LRBA: variants seen among roughly 807,000 people sequenced by gnomAD.
LRBA encodes the protein lipopolysaccharide-responsive and beige-like anchor protein.
A neutral mutation model predicts 330.0 loss-of-function variants in LRBA; 176 were observed. The observed-to-expected ratio is 0.53, with a 90% confidence interval of 0.47 to 0.60. LRBA has a LOEUF of 0.60. LRBA is among the 20% of genes least tolerant of loss of function. The probability of loss-of-function intolerance (pLI) is 0.00; values close to 1 mark genes in which losing one functional copy is unlikely to be tolerated. For synonymous variants in LRBA, 1,230 were observed against 1,193.0 expected (o/e 1.03, Z -0.64); for missense variants, 3,259 against 3,444.8 (o/e 0.95, Z 1.35).
chr4:150,979,771 C>G (rs1740628703), intron 2 of LRBA, among the ~76,000 whole-genome samples: 1 of 152,086 alleles, frequency 6.6e-6, no homozygotes, highest in African/African-American at 2.4e-5. Flanking sequence ...CAATATTGAA[C>G]CAGGAAGAAA....
chr4:150,816,358 C>T (rs1343260817), intron 31 of LRBA, among the ~76,000 whole-genome samples: 1 of 151,956 alleles, frequency 6.6e-6, no homozygotes, highest in Non-Finnish European at 1.5e-5. Context: ...AAGAAAACCA[C>T]TGATACAGTA....
At chr4:150,682,681 A>AT (rs1226857449) in intron 37 of LRBA, among the ~76,000 whole-genome samples, 1 of 152,120 alleles carries the variant, frequency 6.6e-6, no homozygotes, top group East Asian at 1.9e-4. Flanking sequence ...TGATAGACAC[A>AT]TAAGTTGATT....
chr4:150,350,195 T>C (rs756684473), intron 47 of LRBA, 36 bp from the exon 48 acceptor site: 1 of 1,426,540 alleles, frequency 7.0e-7, no homozygotes, highest in South Asian at 1.4e-5. Context: ...CTATGCTGAA[T>C]TCCTTTTTAA....
At chr4:150,379,232 G>A (rs1741816427) in intron 47 of LRBA, among the ~76,000 whole-genome samples, 1 of 146,374 alleles carries the variant, frequency 6.8e-6, no homozygotes, top group Non-Finnish European at 1.5e-5. Flanking sequence ...GAACCCGGGA[G>A]GCAGAGGTTG....
intron 17 of LRBA, among the ~76,000 whole-genome samples, chr4:150,886,804 A>T (rs888363790): frequency 5.3e-5 from 8 of 152,244 alleles, no homozygotes; most frequent in Non-Finnish European, 1.0e-4. Flanking sequence ...TTCAAGACAC[A>T]TTAGAAGATT....
intron 17 of LRBA, among the ~76,000 whole-genome samples, chr4:150,886,619 AAG>A (rs894578054): frequency 6.6e-6 from 1 of 152,204 alleles, no homozygotes; most frequent in African/African-American, 2.4e-5. Flanking sequence ...AAAGTAGGGT[AAG>A]AGAGGTTTGA....
chr4:150,579,675 G>A (rs1384123137), intron 40 of LRBA: 3 of 456,640 alleles, frequency 6.6e-6, no homozygotes, highest in South Asian at 1.5e-5. Flanking sequence ...GAGGTGCAGC[G>A]GAGTGTCCGG....
intron 34 of LRBA, among the ~76,000 whole-genome samples, chr4:150,780,137 C>T (rs1578757578): frequency 6.6e-6 from 1 of 152,144 alleles, no homozygotes; most frequent in East Asian, 1.9e-4. Flanking sequence ...GGGCCTTCTA[C>T]TCTGAATAAC....
intron 44 of LRBA, among the ~76,000 whole-genome samples, chr4:150,449,553 A>T (rs1432732148): frequency 2.6e-5 from 4 of 151,824 alleles, no homozygotes; most frequent in Non-Finnish European, 5.9e-5. Flanking sequence ...AAAAGTACAT[A>T]AAAAAATGCC....
intron 55 of LRBA, 104 bp from the exon 56 acceptor site, chr4:150,278,108 A>G: frequency 1.1e-6 from 1 of 937,890 alleles, no homozygotes; most frequent in South Asian, 1.8e-5. Context: ...GTGCAGAGAG[A>G]AGAGAGAGAG....
At chr4:150,400,110 C>T (rs558981009) in intron 47 of LRBA, among the ~76,000 whole-genome samples, 1 of 152,290 alleles carries the variant, frequency 6.6e-6, no homozygotes, top group East Asian at 1.9e-4. Context: ...TTCAGTGTTA[C>T]TGGACTATAG....
intron 2 of LRBA, chr4:151,013,935 C>T (rs1283986708): frequency 6.6e-6 from 1 of 152,664 alleles, no homozygotes; most frequent in Non-Finnish European, 1.5e-5. Flanking sequence ...TAAAACTAGT[C>T]AAAATTAAAA....
intron 40 of LRBA, among the ~76,000 whole-genome samples, chr4:150,544,684 ATGTT>A (rs1765676532): frequency 6.6e-6 from 1 of 152,124 alleles, no homozygotes; most frequent in Non-Finnish European, 1.5e-5. Flanking sequence ...AAGAAAAACC[ATGTT>A]TGTCTTGCTC....
chr4:150,741,048 G>A (rs557321360), intron 35 of LRBA, among the ~76,000 whole-genome samples: 1 of 152,132 alleles, frequency 6.6e-6, no homozygotes, highest in South Asian at 2.1e-4. Context: ...AAAGATTTCA[G>A]GAAGTTTAAA....
At chr4:150,648,080 C>T (rs189033460) in intron 37 of LRBA, among the ~76,000 whole-genome samples, 1 of 140,420 alleles carries the variant, frequency 7.1e-6, no homozygotes, top group Admixed American at 7.6e-5. Context: ...AAAGAGATAC[C>T]CAAGCAGCAT....
chr4:150,268,696 G>C (rs527586464), intron 56 of LRBA, among the ~76,000 whole-genome samples: 13 of 152,154 alleles, frequency 8.5e-5, no homozygotes, highest in Non-Finnish European at 1.5e-4. Flanking sequence ...TTTGACATGT[G>C]ACAAAATTCA....
chr4:150,623,184 T>C (rs1303755394), intron 37 of LRBA, among the ~76,000 whole-genome samples: 6 of 152,206 alleles, frequency 3.9e-5, no homozygotes, highest in African/African-American at 1.2e-4. Context: ...GACAAATCTT[T>C]CCTGGCGGTA....
chr4:150,874,002 TTGTA>T (rs1753731531), intron 17 of LRBA, among the ~76,000 whole-genome samples: 1 of 152,186 alleles, frequency 6.6e-6, no homozygotes, highest in Admixed American at 6.5e-5. Context: ...TACTAATATG[TTGTA>T]TGTTTCTTTT....
intron 53 of LRBA, among the ~76,000 whole-genome samples, chr4:150,295,117 A>G (rs561014851): frequency 1.1e-4 from 16 of 151,472 alleles, no homozygotes; most frequent in South Asian, 8.4e-4. Context: ...AACTACTAAT[A>G]TTTGGCAGCC....
Sources: gnomAD v4.1 joint callset for allele counts (sites outside exome capture counted in the v4.1 genomes callset) on GRCh38, gnomAD v4.1.1 for gene constraint, MANE v1.5 for transcripts, NCBI Gene and HGNC (gene_info 2026-07-23, HGNC 2026-07-21) for gene names.